The following KIF16B variants were observed in gnomAD, a reference collection of about 807,000 sequenced individuals.
The protein encoded by KIF16B is kinesin family member 16B, also known as kinesin-like protein KIF16B.
In KIF16B, 98 loss-of-function variants were observed where a neutral mutation model predicts 156.3. The ratio of observed to expected loss-of-function variants is 0.63; its 90% CI spans 0.53 to 0.74. The LOEUF (loss-of-function observed/expected upper bound fraction) is 0.74. Ranked by LOEUF, KIF16B falls within the 30% of genes least tolerant of loss-of-function variation. The pLI is 0.00. For missense variants in KIF16B, 1,421 were observed against 1,606.5 expected (o/e 0.88, Z 1.97); for synonymous variants, 564 against 583.7 (o/e 0.97, Z 0.49).
rs748185488 is a variant in KIF16B at position 16,528,404 on chromosome 20, C to T, written c.84G>A (p.Met28Ile). The change falls in exon 2 of 26, where the codon ATG becomes ATA. Residue 28 changes from methionine to isoleucine, a missense_variant. Transcript: ENST00000354981. ...KDLEAKFIIQ[M>I]EKSKTTITNL... ...TTGTGATTGTCGTTTTGCTTTTCTC[C>T]ATCTGAATAATGAACTTGGCCTCCA... is the stretch of plus-strand genomic sequence containing the variant. The T allele has an allele frequency of 6.2e-7, 1 of 1,613,970 alleles. No homozygotes were observed. Among genetic ancestry groups the T allele is most frequent in the Non-Finnish European group, 8.5e-7 (1 of 1,179,878 alleles).
intron 1 of KIF16B, among the ~76,000 whole-genome samples, chr20:16,569,370 G>A (rs1371623277): frequency 1.3e-5 from 2 of 152,236 alleles, no homozygotes; most frequent in Non-Finnish European, 2.9e-5. Context: ...TAGGACCAGA[G>A]AGTCTGGCAC....
chr20:16,312,948 GA>G (rs1013335150), intron 24 of KIF16B, among the ~76,000 whole-genome samples: 3 of 151,846 alleles, frequency 2.0e-5, no homozygotes, highest in African/African-American at 7.3e-5. Flanking sequence ...CTGCCCATGT[GA>G]AAAGAGGACT....
intron 11 of KIF16B, 106 bp from the exon 12 acceptor site, chr20:16,494,456 T>A: frequency 1.5e-6 from 1 of 673,334 alleles, no homozygotes; most frequent in Non-Finnish European, 2.5e-6. Context: ...TATAATTTTT[T>A]AAATGAGATC....
chr20:16,339,508 G>T (rs2064103373), intron 23 of KIF16B, among the ~76,000 whole-genome samples: 1 of 152,110 alleles, frequency 6.6e-6, no homozygotes, highest in South Asian at 2.1e-4. Context: ...TGACTCCCTG[G>T]ATGCCTGTAC....
At chr20:16,407,998 C>T (rs935362701) in intron 15 of KIF16B, among the ~76,000 whole-genome samples, 1 of 152,216 alleles carries the variant, frequency 6.6e-6, no homozygotes, top group Admixed American at 6.5e-5. Context: ...CACAGGTGAC[C>T]TCTGGTTGAC....
intron 12 of KIF16B, among the ~76,000 whole-genome samples, chr20:16,488,565 T>A (rs2146894766): frequency 6.6e-6 from 1 of 152,214 alleles, no homozygotes; most frequent in Non-Finnish European, 1.5e-5. Flanking sequence ...AAAAAAATCA[T>A]TAGCAATAAA....
chr20:16,560,693 G>A (rs1192393609), intron 1 of KIF16B, among the ~76,000 whole-genome samples: 2 of 152,074 alleles, frequency 1.3e-5, no homozygotes, highest in Non-Finnish European at 2.9e-5. Context: ...GCTGAGGTGG[G>A]AGGATCGCTT....
chr20:16,282,524 A>G (rs2122350930), intron 25 of KIF16B, among the ~76,000 whole-genome samples: 2 of 152,136 alleles, frequency 1.3e-5, no homozygotes, highest in Middle Eastern at 3.4e-3. Context: ...GGTTACTTTT[A>G]TGCCAAGACC....
intron 25 of KIF16B, among the ~76,000 whole-genome samples, chr20:16,307,727 T>G (rs999956408): frequency 1.3e-5 from 2 of 152,214 alleles, no homozygotes; most frequent in African/African-American, 4.8e-5. Context: ...TGTAATTAAT[T>G]GTCATTCATT....
At chr20:16,397,280 G>T (rs2065530620) in intron 17 of KIF16B, among the ~76,000 whole-genome samples, 1 of 152,204 alleles carries the variant, frequency 6.6e-6, no homozygotes, top group Admixed American at 6.5e-5. Context: ...AACTCCCAAA[G>T]GAAGTCACCA....
chr20:16,411,017 C>G (rs1364963788), intron 15 of KIF16B, among the ~76,000 whole-genome samples: 3 of 151,538 alleles, frequency 2.0e-5, no homozygotes, highest in African/African-American at 7.3e-5. Context: ...TTTTCATCAC[C>G]GATGACCTTG....
chr20:16,294,500 C>T (rs1033121936), intron 25 of KIF16B, among the ~76,000 whole-genome samples: 3 of 152,212 alleles, frequency 2.0e-5, no homozygotes, highest in Admixed American at 6.5e-5. Flanking sequence ...AGAGCACGTG[C>T]TTCTGAATCG....
At chr20:16,344,770 A>T (rs2064200897) in intron 23 of KIF16B, among the ~76,000 whole-genome samples, 1 of 152,208 alleles carries the variant, frequency 6.6e-6, no homozygotes, top group Non-Finnish European at 1.5e-5. Flanking sequence ...CTCTGCGATG[A>T]GTATTTCAAA....
intron 25 of KIF16B, among the ~76,000 whole-genome samples, chr20:16,277,801 T>C (rs1437847459): frequency 6.6e-6 from 1 of 152,196 alleles, no homozygotes; most frequent in Non-Finnish European, 1.5e-5. Context: ...TGAAATCCAA[T>C]ATCCAATCTG....
intron 25 of KIF16B, among the ~76,000 whole-genome samples, chr20:16,279,738 G>T (rs1251211601): frequency 6.6e-6 from 1 of 151,318 alleles, no homozygotes; most frequent in Non-Finnish European, 1.5e-5. Context: ...GAAGGCTCCT[G>T]CCCCAGACCC....
intron 25 of KIF16B, among the ~76,000 whole-genome samples, chr20:16,289,518 TCA>T (rs1302332732): frequency 6.6e-6 from 1 of 152,172 alleles, no homozygotes; most frequent in African/African-American, 2.4e-5. Flanking sequence ...CCCTTTAAAA[TCA>T]CCTCATATTA....
intron 12 of KIF16B, among the ~76,000 whole-genome samples, chr20:16,468,201 T>A (rs2067549956): frequency 6.6e-6 from 1 of 152,140 alleles, no homozygotes; most frequent in Non-Finnish European, 1.5e-5. Flanking sequence ...GCTACTCTAA[T>A]CAAAAGAAAG....
intron 12 of KIF16B, among the ~76,000 whole-genome samples, chr20:16,492,646 G>A (rs557827619): frequency 1.3e-5 from 2 of 152,238 alleles, no homozygotes; most frequent in African/African-American, 4.8e-5. Context: ...AGTTCTCGGT[G>A]TGGATACCCT....
At chr20:16,416,721 A>G (rs1045502386) in intron 15 of KIF16B, among the ~76,000 whole-genome samples, 3 of 146,144 alleles carry the variant, frequency 2.1e-5, no homozygotes, top group African/African-American at 7.9e-5. Context: ...GTACCCCAGA[A>G]CTTTAAAAAA....
Sources: gnomAD v4.1 joint callset for allele counts (sites outside exome capture counted in the v4.1 genomes callset) on GRCh38, gnomAD v4.1.1 for gene constraint, MANE v1.5 for transcripts, NCBI Gene and HGNC (gene_info 2026-07-23, HGNC 2026-07-21) for gene names.